The following PLCH2 variants were observed in gnomAD, a reference collection of about 807,000 sequenced individuals.
The protein encoded by PLCH2 is phospholipase C eta 2, also known as 1-phosphatidylinositol 4,5-bisphosphate phosphodiesterase eta-2.
PLCH2 carries 98 observed loss-of-function variants against 134.7 expected under a neutral mutation model. The observed-to-expected ratio is 0.73, with a 90% CI of 0.62 to 0.86. PLCH2 has a LOEUF of 0.86. Ranked by LOEUF, PLCH2 falls within the 40% of genes least tolerant of loss-of-function variation. PLCH2 has a pLI of 0.00. For synonymous variants in PLCH2, 974 were observed against 827.5 expected (o/e 1.18, Z -3.04); for missense variants, 1,994 against 1,986.6 (o/e 1.00, Z -0.07).
Position 2,489,388 on chromosome 1 carries a change from C to T in PLCH2, c.1407+10C>T, listed in dbSNP as rs779428386. ...CAAGATCCTCGTGAAGGTGAGTGAG[C>T]CCCTGCCCTCCTGGGACCAGCTCAC... On this transcript the variant is annotated intron_variant, in intron 9 of 21. Transcript: ENST00000378486. 17 of 1,612,634 alleles carry T rather than the reference C, an allele frequency of 1.1e-5. No individual in the cohort carries two copies. Among genetic ancestry groups the T allele is most frequent in the East Asian group, 2.2e-5 (1 of 44,892 alleles).
chr1:2,494,597 G>A (rs1043693316), intron 11 of PLCH2: 4 of 576,778 alleles, frequency 6.9e-6, no homozygotes, highest in Non-Finnish European at 1.2e-5. Context: ...AGGTGTGAGC[G>A]AATGTTTCCA....
chr1:2,491,383 C>T (rs764786438), intron 11 of PLCH2, 48 bp downstream of exon 11: 12 of 1,588,974 alleles, frequency 7.6e-6, no homozygotes, highest in Middle Eastern at 1.9e-4. Context: ...GCCCCCCCGA[C>T]AGCCAGCCTG....
At chr1:2,419,709 G>A in the PLCH2 span, among the ~76,000 whole-genome samples, 63 of 152,170 alleles carry the variant, frequency 4.1e-4, no homozygotes, top group Non-Finnish European at 7.9e-4. Flanking sequence ...CCAGCTTTGA[G>A]GAGGCGCTGC....
At chr1:2,456,646 C>G (rs949393150) in intron 2 of PLCH2, among the ~76,000 whole-genome samples, 1 of 152,156 alleles carries the variant, frequency 6.6e-6, no homozygotes, top group African/African-American at 2.4e-5. Flanking sequence ...CGGCCTCCGT[C>G]GGCTTCCTGC....
chr1:2,469,747 G>A (rs1270975584), intron 1 of PLCH2, among the ~76,000 whole-genome samples: 1 of 152,220 alleles, frequency 6.6e-6, no homozygotes, highest in Non-Finnish European at 1.5e-5. Flanking sequence ...CCGGCTGGAC[G>A]GACTTCCTGT....
At chr1:2,443,961 C>A (rs971530740) in intron 2 of PLCH2, among the ~76,000 whole-genome samples, 7 of 152,054 alleles carry the variant, frequency 4.6e-5, no homozygotes, top group African/African-American at 1.7e-4. Context: ...GGAGCCGCCC[C>A]GCAGAAGCAC....
rs3748830 is a variant in PLCH2, at chr1:2,499,450, G to A, written c.2582-191G>A. Among the ~76,000 whole-genome samples, 108 of 152,046 alleles carry A rather than the reference G, an allele frequency of 7.1e-4. No individual in the cohort carries two copies. In the East Asian group the frequency reaches 0.02, roughly 28 times the overall value. On this transcript the variant is annotated intron_variant, in intron 19 of 21. Transcript: ENST00000378486. ...CCACCCCCAGGAAGAGGTCCCTGCA[G>A]GCTGGTGCAATGCCAATGGGCTTCC...
chr1:2,416,728 G>A, the PLCH2 span, among the ~76,000 whole-genome samples: 1 of 152,260 alleles, frequency 6.6e-6, no homozygotes, highest in Non-Finnish European at 1.5e-5. Flanking sequence ...GCCTGGGCCA[G>A]GGTTTAGCAG....
Position 2,476,490 on chromosome 1 carries a change from G to A in PLCH2, c.-99G>A, listed in dbSNP as rs1641626238. On this transcript the variant is annotated 5_prime_UTR_variant, in exon 1 of 22. Transcript: ENST00000378486. ...GAGGCAGAGGAGAGAAGGCCCCACG[G>A]AGGTCCTGTCGCCAGCGCTGCCACT... 8.5e-7 allele frequency: 1 copy of A among 1,169,980 alleles called. No homozygotes were observed. Among genetic ancestry groups the A allele is most frequent in the East Asian group, 2.7e-5 (1 of 37,288 alleles). 72.5% of individuals were successfully genotyped at this position (1,169,980 alleles called of 1,614,324 possible). A position where few individuals can be genotyped will look rare whatever the true frequency, so the allele number is the denominator to read the frequency against.
intron 2 of PLCH2, among the ~76,000 whole-genome samples, chr1:2,454,683 C>T (rs886438399): frequency 2.0e-5 from 3 of 152,150 alleles, no homozygotes; most frequent in Admixed American, 6.5e-5. Flanking sequence ...AGTGGCTTCC[C>T]CAGGGGCCCC....
chr1:2,496,323 C>A (rs1429347516), intron 13 of PLCH2, among the ~76,000 whole-genome samples: 2 of 152,234 alleles, frequency 1.3e-5, no homozygotes, highest in African/African-American at 4.8e-5. Context: ...CTGCTCAGAA[C>A]CTTCCAGAAG....
At chr1:2,502,500 C>G in intron 21 of PLCH2, 91 bp downstream of exon 21, 1 of 1,267,262 alleles carries the variant, frequency 7.9e-7, no homozygotes, top group South Asian at 1.3e-5. Context: ...GGGATGGCCG[C>G]CACATGCATG....
chr1:2,436,758 C>A (rs1639443622), intron 2 of PLCH2, among the ~76,000 whole-genome samples: 1 of 152,220 alleles, frequency 6.6e-6, no homozygotes, highest in Admixed American at 6.5e-5. Context: ...TGGAAACTGG[C>A]ACTGAGTGGG....
intron 2 of PLCH2, among the ~76,000 whole-genome samples, chr1:2,445,341 C>T (rs1302301904): frequency 6.6e-6 from 1 of 152,064 alleles, no homozygotes; most frequent in Non-Finnish European, 1.5e-5. Flanking sequence ...GGGAGACTGG[C>T]GCCTGCTTGG....
intron 2 of PLCH2, among the ~76,000 whole-genome samples, chr1:2,431,720 T>G (rs530727236): frequency 6.6e-6 from 1 of 152,302 alleles, no homozygotes; most frequent in South Asian, 2.1e-4. Context: ...ACCCTTCTGC[T>G]GCTGGCCCTG....
intron 4 of PLCH2, among the ~76,000 whole-genome samples, chr1:2,482,228 T>C (rs1040113209): frequency 6.6e-6 from 1 of 152,148 alleles, no homozygotes; most frequent in Non-Finnish European, 1.5e-5. Flanking sequence ...CAGTGGTGAG[T>C]GGCTCACCCT....
intron 11 of PLCH2, among the ~76,000 whole-genome samples, chr1:2,494,093 A>C (rs1308131050): frequency 6.6e-6 from 1 of 151,946 alleles, no homozygotes; most frequent in Non-Finnish European, 1.5e-5. Context: ...AGTAGCCCCC[A>C]CCCTTGGTGG....
rs533495126 is a variant in PLCH2 at position 2,438,023 on chromosome 1, A to T, written c.115+7394A>T. Among the ~76,000 whole-genome samples the T allele has an allele frequency of 9.8e-5, 15 of 152,312 alleles. No individual in the cohort carries two copies. In the East Asian group the frequency reaches 2.9e-3, roughly 29 times the overall value. On this transcript the variant is annotated intron_variant, in intron 2 of 3. Coordinates refer to the PLCH2 transcript ENST00000609981. ...CAAGGTCCCTCCAGGCCCGCCTGGC[A>T]CCTACTGCCTCAGCATTAGTAAAGT...
chr1:2,492,757 CA>C (rs1642660496), intron 11 of PLCH2, among the ~76,000 whole-genome samples: 2 of 152,126 alleles, frequency 1.3e-5, no homozygotes, highest in African/African-American at 4.8e-5. Flanking sequence ...GTGGGGATGG[CA>C]AATCCCACTG....
Sources: gnomAD v4.1 joint callset for allele counts (sites outside exome capture counted in the v4.1 genomes callset) on GRCh38, gnomAD v4.1.1 for gene constraint, MANE v1.5 for transcripts, NCBI Gene and HGNC (gene_info 2026-07-23, HGNC 2026-07-21) for gene names.